Variants in SHISA9 observed in about 807,000 individuals in gnomAD.
The protein encoded by SHISA9 is shisa family member 9.
Under a neutral mutation model 38.0 loss-of-function variants are expected in SHISA9, and 13 were observed. The ratio of observed to expected loss-of-function variants is 0.34; its 90% CI spans 0.22 to 0.54. The LOEUF is 0.54. Ranked by LOEUF, SHISA9 falls within the 20% of genes least tolerant of loss-of-function variation. SHISA9 has a pLI of 0.91. For missense variants in SHISA9, 538 were observed against 575.8 expected, an observed-to-expected ratio of 0.93 and a Z score of 0.67; for synonymous variants, 275 against 242.0, an observed-to-expected ratio of 1.14 and a Z score of -1.27.
At chr16:13,213,104 C>A in intron 3 of SHISA9, 149 bp from the exon 4 acceptor site, 1 of 641,890 alleles carries the variant, frequency 1.6e-6, no homozygotes. Flanking sequence ...TCACACGTGG[C>A]TCCCTTCCCT....
intron 4 of SHISA9, among the ~76,000 whole-genome samples, chr16:13,215,554 A>G (rs2051160035): frequency 6.6e-6 from 1 of 152,062 alleles, no homozygotes; most frequent in African/African-American, 2.4e-5. Flanking sequence ...AGCCGTTATG[A>G]TCTCTGTGAC....
intron 2 of SHISA9, among the ~76,000 whole-genome samples, chr16:13,195,156 T>C (rs2050925005): frequency 6.6e-6 from 1 of 152,226 alleles, no homozygotes; most frequent in African/African-American, 2.4e-5. Context: ...TTTCTAATAT[T>C]ATTCTCCAAT....
At chr16:13,305,304 C>T in the SHISA9 span, among the ~76,000 whole-genome samples, 10 of 152,126 alleles carry the variant, frequency 6.6e-5, no homozygotes, top group Admixed American at 2.0e-4. Flanking sequence ...TTTTAAATTT[C>T]GGAGCATTTC....
intron 2 of SHISA9, among the ~76,000 whole-genome samples, chr16:12,925,075 A>G (rs1385896992): frequency 6.6e-6 from 1 of 152,206 alleles, no homozygotes; most frequent in Non-Finnish European, 1.5e-5. Flanking sequence ...GGGGACAATG[A>G]TACAAATCGG....
chr16:13,249,148 C>A, the SHISA9 span, among the ~76,000 whole-genome samples: 20 of 152,160 alleles, frequency 1.3e-4, no homozygotes, highest in Non-Finnish European at 2.6e-4. Flanking sequence ...AGGTGAAGCA[C>A]CATGTTGGTT....
intron 2 of SHISA9, among the ~76,000 whole-genome samples, chr16:13,004,562 C>G (rs1018134868): frequency 3.3e-5 from 5 of 152,046 alleles, no homozygotes; most frequent in African/African-American, 1.2e-4. Flanking sequence ...GTAGAGTGGA[C>G]TGATGAATTC....
chr16:13,379,485 C>T, the SHISA9 span, among the ~76,000 whole-genome samples: 1 of 152,314 alleles, frequency 6.6e-6, no homozygotes, highest in Non-Finnish European at 1.5e-5. Flanking sequence ...GCCTGCCTTT[C>T]CTGCACAGCT....
intron 2 of SHISA9, among the ~76,000 whole-genome samples, chr16:13,156,650 C>T (rs147853304): frequency 8.7e-4 from 130 of 149,042 alleles, no homozygotes; most frequent in African/African-American, 3.1e-3. Flanking sequence ...AGGAGAATGG[C>T]GTGAACCTGG....
chr16:13,023,601 T>G lies in SHISA9; in HGVS notation c.691+106786T>G, dbSNP rs187253862. On this transcript the variant is annotated intron_variant, in intron 2 of 4. Coordinates refer to ENST00000558583, the MANE Select transcript of SHISA9 (RefSeq NM_001145204.3). The stretch of plus-strand genomic sequence containing the variant: ...ATCCCTGAGGAATCGCCACACTGTC[T>G]TCCACAATGGTTGAACTAATTTACA... Among the ~76,000 whole-genome samples the G allele has an allele frequency of 2.0e-3, 312 of 152,360 alleles. 1 individual carries two copies. Among genetic ancestry groups the G allele is most frequent in the African/African-American group, 7.0e-3 (291 of 41,588 alleles).
At chr16:13,532,345 A>G in the SHISA9 span, among the ~76,000 whole-genome samples, 1 of 152,328 alleles carries the variant, frequency 6.6e-6, no homozygotes, top group Non-Finnish European at 1.5e-5. Flanking sequence ...ATAAGAGCAG[A>G]GGAAACACAG....
the SHISA9 span, among the ~76,000 whole-genome samples, chr16:13,527,515 T>A: frequency 6.6e-6 from 1 of 152,364 alleles, no homozygotes; most frequent in South Asian, 2.1e-4. Flanking sequence ...CAGAGTCATG[T>A]GACTAGTCTA....
At chr16:12,961,042 G>GGA (rs138921530) in intron 2 of SHISA9, among the ~76,000 whole-genome samples, 4,015 of 152,176 alleles carry the variant, frequency 0.026, 70 homozygotes, top group African/African-American at 0.044. Flanking sequence ...GATGATGAAA[G>GGA]GAGAGTGTGG....
intron 2 of SHISA9, among the ~76,000 whole-genome samples, chr16:12,959,724 C>T (rs569155452): frequency 6.0e-4 from 91 of 152,190 alleles, no homozygotes; most frequent in African/African-American, 2.1e-3. Flanking sequence ...CTGCCATGCT[C>T]GAGATGACCC....
At chr16:13,297,735 T>A in the SHISA9 span, among the ~76,000 whole-genome samples, 2 of 152,016 alleles carry the variant, frequency 1.3e-5, no homozygotes, top group South Asian at 4.2e-4. Context: ...AGGGACATAG[T>A]TATCAGTGCG....
At chr16:12,972,041 TTGTGTGTGTGTGTGTGTGTGTG>T (rs72368949) in intron 2 of SHISA9, among the ~76,000 whole-genome samples, 1 of 141,948 alleles carries the variant, frequency 7.0e-6, no homozygotes, top group African/African-American at 2.6e-5. Flanking sequence ...CTCTTGGAGT[TTGTGTGTGTGTGTGTGTGTGTG>T]TGTGTGTGTG....
At chr16:13,479,535 T>C in the SHISA9 span, among the ~76,000 whole-genome samples, 52 of 152,218 alleles carry the variant, frequency 3.4e-4, no homozygotes, top group Non-Finnish European at 5.9e-5. Flanking sequence ...CCAGGTAATC[T>C]GCAATCACCT....
chr16:13,173,066 A>T lies in SHISA9; in HGVS notation c.692-30328A>T, dbSNP rs554603094. Among the ~76,000 whole-genome samples, 469 of 152,080 alleles carry T rather than the reference A, an allele frequency of 3.1e-3. 4 individuals are homozygous for T. Among genetic ancestry groups the T allele is most frequent in the Non-Finnish European group, 5.9e-3 (404 of 67,982 alleles). On this transcript the variant is annotated intron_variant, in intron 2 of 4. Transcript: ENST00000558583. ...GTCCCTTTTATCAAATGGAAAAAGG[A>T]GTTTGTTTCATTGAAAATACATTTT...
the SHISA9 span, among the ~76,000 whole-genome samples, chr16:13,490,163 T>G: frequency 6.6e-6 from 1 of 151,812 alleles, no homozygotes; most frequent in Admixed American, 6.6e-5. Flanking sequence ...AAAGAAAGTT[T>G]AGGAACAGAT....
At chr16:13,358,795 T>C in the SHISA9 span, among the ~76,000 whole-genome samples, 2 of 152,168 alleles carry the variant, frequency 1.3e-5, no homozygotes. Flanking sequence ...ACCTTTCTCT[T>C]GGCTGTTTTC....
Sources: gnomAD v4.1 joint callset for allele counts (sites outside exome capture counted in the v4.1 genomes callset) on GRCh38, gnomAD v4.1.1 for gene constraint, MANE v1.5 for transcripts, NCBI Gene and HGNC (gene_info 2026-07-23, HGNC 2026-07-21) for gene names.